Variants in RRAS2 observed in about 807,000 individuals in gnomAD.
The protein encoded by RRAS2 is RAS related 2, also known as ras-related protein R-Ras2.
A neutral mutation model predicts 27.6 loss-of-function variants in RRAS2; 7 were observed. That is an observed-to-expected ratio of 0.25 (90% confidence interval 0.14 to 0.48). The LOEUF (loss-of-function observed/expected upper bound fraction) is 0.48, where lower values mean the gene tolerates loss of function less well. Among genes scored for constraint, RRAS2 ranks in the 20% least tolerant of loss-of-function variants. The pLI is 0.99. For synonymous variants in RRAS2, 86 were observed against 90.9 expected (o/e 0.95, Z 0.31); for missense variants, 178 against 256.2 (o/e 0.69, Z 2.08).
intron 4 of RRAS2, among the ~76,000 whole-genome samples, chr11:14,290,150 T>A (rs1000996924): frequency 6.6e-6 from 1 of 152,158 alleles, no homozygotes; most frequent in Non-Finnish European, 1.5e-5. Flanking sequence ...TGTGAAGAGA[T>A]GTTAAAAAGG....
intron 4 of RRAS2, among the ~76,000 whole-genome samples, chr11:14,288,425 T>C (rs1022043055): frequency 5.3e-5 from 8 of 152,196 alleles, no homozygotes; most frequent in African/African-American, 1.4e-4. Context: ...AGAAATAGCA[T>C]TGCCATCACC....
At chr11:14,352,150 GGATAAA>G (rs1456280868) in intron 1 of RRAS2, among the ~76,000 whole-genome samples, 1 of 152,044 alleles carries the variant, frequency 6.6e-6, no homozygotes, top group Non-Finnish European at 1.5e-5. Flanking sequence ...TTACTTACAT[GGATAAA>G]GAGCTTTCTC....
chr11:14,313,820 C>G (rs782732757), intron 1 of RRAS2, among the ~76,000 whole-genome samples: 4 of 152,106 alleles, frequency 2.6e-5, no homozygotes, highest in Non-Finnish European at 4.4e-5. Flanking sequence ...GAGTTCTGAC[C>G]TATGAAAAAA....
intron 1 of RRAS2, among the ~76,000 whole-genome samples, chr11:14,297,862 G>A (rs941266328): frequency 2.0e-5 from 3 of 151,860 alleles, no homozygotes; most frequent in Admixed American, 6.6e-5. Context: ...TCACTTCAAT[G>A]CATGATGTAT....
chr11:14,340,113 G>C (rs782554971), intron 1 of RRAS2, among the ~76,000 whole-genome samples: 1 of 135,332 alleles, frequency 7.4e-6, no homozygotes, highest in Non-Finnish European at 1.6e-5. Flanking sequence ...CTGGGAGACA[G>C]GGCAACAGAG....
intron 1 of RRAS2, among the ~76,000 whole-genome samples, chr11:14,322,122 A>C (rs1263119378): frequency 6.6e-6 from 1 of 152,158 alleles, no homozygotes; most frequent in African/African-American, 2.4e-5. Context: ...AAAATAGGTG[A>C]TAACTGCTAT....
intron 2 of RRAS2, 85 bp downstream of exon 2, chr11:14,295,683 A>G (rs1439301459): frequency 9.6e-7 from 1 of 1,042,954 alleles, no homozygotes; most frequent in Non-Finnish European, 1.4e-6. Context: ...TATTTCAAAT[A>G]TATTATTTAA....
intron 1 of RRAS2, among the ~76,000 whole-genome samples, chr11:14,304,653 G>A (rs955259622): frequency 6.6e-6 from 1 of 152,158 alleles, no homozygotes; most frequent in South Asian, 2.1e-4. Context: ...AAGTAGGGGA[G>A]GACTGCAGTG....
intron 1 of RRAS2, among the ~76,000 whole-genome samples, chr11:14,298,201 T>C (rs1451236377): frequency 6.6e-6 from 1 of 152,246 alleles, no homozygotes; most frequent in South Asian, 2.1e-4. Context: ...TTTCCCCATA[T>C]GCCATGCTTT....
intron 1 of RRAS2, among the ~76,000 whole-genome samples, chr11:14,318,106 G>A (rs1033729751): frequency 1.3e-5 from 2 of 152,212 alleles, no homozygotes; most frequent in East Asian, 1.9e-4. Flanking sequence ...CCCTGTCTTC[G>A]CAAAATCCTG....
intron 4 of RRAS2, among the ~76,000 whole-genome samples, chr11:14,288,750 T>C (rs1554945409): frequency 6.6e-6 from 1 of 152,192 alleles, no homozygotes; most frequent in East Asian, 1.9e-4. Flanking sequence ...GCAGCAGCAG[T>C]TCACAATAAC....
At chr11:14,343,739 T>A (rs1379148194) in intron 1 of RRAS2, among the ~76,000 whole-genome samples, 1 of 151,276 alleles carries the variant, frequency 6.6e-6, no homozygotes, top group African/African-American at 2.4e-5. Flanking sequence ...GGGGCTGAGG[T>A]GGAAGGATCG....
At chr11:14,343,497 T>G (rs1848761036) in intron 1 of RRAS2, among the ~76,000 whole-genome samples, 1 of 152,166 alleles carries the variant, frequency 6.6e-6, no homozygotes, top group African/African-American at 2.4e-5. Flanking sequence ...TTATCAGAAA[T>G]TTTTCACATT....
chr11:14,284,380 G>C (rs917993246), intron 4 of RRAS2, among the ~76,000 whole-genome samples: 1 of 152,090 alleles, frequency 6.6e-6, no homozygotes, highest in Non-Finnish European at 1.5e-5. Flanking sequence ...CTGTGGTCAG[G>C]AAATTACACA....
Position 14,302,073 on chromosome 11 carries a change from TAC to T in RRAS2, c.109-6220_109-6219del, listed in dbSNP as rs57730782. ...ACAAGGAGTAAATGTACCACACACA[TAC>T]ACACACACACACACACACACACACA... On this transcript the variant is annotated intron_variant, in intron 1 of 5. Coordinates refer to ENST00000256196, the MANE Select transcript of RRAS2 (RefSeq NM_012250.6). Among the ~76,000 whole-genome samples, 1,087 of 142,446 alleles carry T rather than the reference TAC, an allele frequency of 7.6e-3. 7 individuals are homozygous for T. The highest frequency in any genetic ancestry group is 0.019 in the African/African-American group (725 of 38,548). The allele number at this position is 142,446 out of a possible 152,430, so 93.5% of individuals were successfully genotyped here.
At chr11:14,317,211 C>G (rs1342459152) in intron 1 of RRAS2, among the ~76,000 whole-genome samples, 1 of 152,170 alleles carries the variant, frequency 6.6e-6, no homozygotes, top group Non-Finnish European at 1.5e-5. Flanking sequence ...GAATTCAAAA[C>G]GTATACACCT....
chr11:14,328,390 G>C (rs1554951410), intron 1 of RRAS2, among the ~76,000 whole-genome samples: 1 of 141,578 alleles, frequency 7.1e-6, no homozygotes, highest in Non-Finnish European at 1.6e-5. Context: ...AAAAAAAAGA[G>C]TGAGAAAAAA....
In RRAS2 at chr11:14,279,226, C is replaced by T; in HGVS notation, c.*111G>A. The T allele has an allele frequency of 2.5e-6, 2 of 787,632 alleles. No individual in the cohort carries two copies. The highest frequency in any genetic ancestry group is 4.4e-6 in the Non-Finnish European group (2 of 450,750). The allele number at this position is 787,632 out of a possible 1,614,324, so 48.8% of individuals were successfully genotyped here. A position where few individuals can be genotyped will look rare whatever the true frequency, so the allele number is the denominator to read the frequency against. On this transcript the variant is annotated 3_prime_UTR_variant, in exon 6 of 6. Transcript: ENST00000256196. ...AGCCAGCTTCTTCGTCTAAGGCTAA[C>T]ATGGTGATCATTTGTCTAAGGCTAG...
chr11:14,344,902 G>A (rs1214282502), intron 1 of RRAS2, among the ~76,000 whole-genome samples: 1 of 150,760 alleles, frequency 6.6e-6, no homozygotes, highest in Non-Finnish European at 1.5e-5. Flanking sequence ...GTAACTAGAT[G>A]CTATGGAACC....
Sources: allele counts gnomAD v4.1 joint callset (sites outside exome capture counted in the v4.1 genomes callset), GRCh38; gene constraint gnomAD v4.1.1; transcripts MANE v1.5; gene names NCBI Gene and HGNC (gene_info 2026-07-23, HGNC 2026-07-21).